Variants in AFG2B observed in about 807,000 individuals in gnomAD.
AFG2B encodes ATPase family gene 2 protein homolog B.
At chr15:45,414,138 C>T in the AFG2B span, among the ~76,000 whole-genome samples, 6 of 152,086 alleles carry the variant, frequency 3.9e-5, no homozygotes, top group Non-Finnish European at 5.9e-5. Context: ...GAGGGGGTTC[C>T]GCTTTAACCA....
chr15:45,402,961 G>T, the AFG2B span: 34 of 1,596,454 alleles, frequency 2.1e-5, no homozygotes, highest in Non-Finnish European at 2.6e-5. Context: ...CGCTGGGCTG[G>T]TCACCCCTCG....
At chr15:45,418,154 G>A in the AFG2B span, among the ~76,000 whole-genome samples, 1 of 151,826 alleles carries the variant, frequency 6.6e-6, no homozygotes, top group Non-Finnish European at 1.5e-5. Flanking sequence ...GACTAGCCTG[G>A]CCAACATGGT....
the AFG2B span, among the ~76,000 whole-genome samples, chr15:45,406,436 T>C: frequency 6.6e-6 from 1 of 152,204 alleles, no homozygotes. Context: ...TTAATAAGTA[T>C]CTAGTGGGAG....
At chr15:45,411,027 C>A in the AFG2B span, among the ~76,000 whole-genome samples, 4 of 152,098 alleles carry the variant, frequency 2.6e-5, no homozygotes, top group African/African-American at 9.7e-5. Flanking sequence ...CATGGTGAAA[C>A]CCCGTCTCTA....
chr15:45,411,322 A>C, the AFG2B span, among the ~76,000 whole-genome samples: 1 of 152,136 alleles, frequency 6.6e-6, no homozygotes, highest in Non-Finnish European at 1.5e-5. Context: ...TCTCTATTTA[A>C]AAAAATTATT....
chr15:45,403,163 T>A, the AFG2B span: 8 of 1,450,292 alleles, frequency 5.5e-6, no homozygotes, highest in Non-Finnish European at 7.2e-6. Flanking sequence ...CCCCCCGGAG[T>A]GGGCAAGACC....
the AFG2B span, chr15:45,414,579 GTGGCCTC>G: frequency 6.2e-7 from 1 of 1,613,950 alleles, no homozygotes; most frequent in Non-Finnish European, 8.5e-7. Context: ...AGAGCATTGA[GTGGCCTC>G]TGAAATTCCC....
At chr15:45,414,153 G>A in the AFG2B span, among the ~76,000 whole-genome samples, 1 of 152,192 alleles carries the variant, frequency 6.6e-6, no homozygotes, top group Non-Finnish European at 1.5e-5. Flanking sequence ...TAACCAGGTA[G>A]TTAGGAAAGA....
At chr15:45,404,634 C>G in the AFG2B span, among the ~76,000 whole-genome samples, 1 of 151,654 alleles carries the variant, frequency 6.6e-6, no homozygotes, top group Non-Finnish European at 1.5e-5. Context: ...TGGTGAAACC[C>G]CGTCTCTGCT....
chr15:45,403,244 G>A, the AFG2B span: 3 of 1,561,760 alleles, frequency 1.9e-6, no homozygotes, highest in South Asian at 1.2e-5. Context: ...GCGCTGCAGG[G>A]TTCCCGGCCT....
chr15:45,403,254 TG>T, the AFG2B span: 2 of 1,583,328 alleles, frequency 1.3e-6, no homozygotes, highest in Admixed American at 1.8e-5. Context: ...GTTCCCGGCC[TG>T]GGGAGACCGA....
At chr15:45,415,454 C>G in the AFG2B span, 1 of 726,888 alleles carries the variant, frequency 1.4e-6, no homozygotes, top group Non-Finnish European at 2.1e-6. Flanking sequence ...GCTGAAATCG[C>G]ATCACTACAC....
the AFG2B span, chr15:45,402,599 G>A: frequency 1.3e-6 from 2 of 1,572,240 alleles, no homozygotes; most frequent in Non-Finnish European, 1.7e-6. Flanking sequence ...GGCGGCTCCT[G>A]CCTCTGCACT....
the AFG2B span, chr15:45,405,570 T>TA: frequency 5.0e-5 from 75 of 1,513,358 alleles, no homozygotes; most frequent in South Asian, 7.3e-5. Flanking sequence ...ATTTGGGGGT[T>TA]AAAAAAAAGC....
chr15:45,407,213 C>A, the AFG2B span: 1 of 1,233,104 alleles, frequency 8.1e-7, no homozygotes, highest in South Asian at 1.4e-5. Flanking sequence ...AAGGGACAGA[C>A]AACTGGGAAG....
the AFG2B span, among the ~76,000 whole-genome samples, chr15:45,415,424 G>A: frequency 6.6e-6 from 1 of 151,714 alleles, no homozygotes; most frequent in African/African-American, 2.4e-5. Flanking sequence ...CTTGAGCCTG[G>A]GAGGCAGAAG....
chr15:45,404,110 T>G, the AFG2B span, among the ~76,000 whole-genome samples: 1 of 152,228 alleles, frequency 6.6e-6, no homozygotes, highest in Admixed American at 6.5e-5. Context: ...TATTTTAAGC[T>G]TTGGTCCTAA....
chr15:45,405,953 T>A, the AFG2B span, among the ~76,000 whole-genome samples: 1 of 152,248 alleles, frequency 6.6e-6, no homozygotes, highest in Non-Finnish European at 1.5e-5. Flanking sequence ...GTGTATTTCC[T>A]TATATATATA....
chr15:45,402,467 T>C, the AFG2B span: 1 of 1,609,280 alleles, frequency 6.2e-7, no homozygotes, highest in African/African-American at 1.3e-5. Context: ...GAAGGGCCGC[T>C]CTTAAAGCTG....
Sources: gnomAD v4.1 joint callset for allele counts (sites outside exome capture counted in the v4.1 genomes callset) on GRCh38, gnomAD v4.1.1 for gene constraint, MANE v1.5 for transcripts, NCBI Gene and HGNC (gene_info 2026-07-23, HGNC 2026-07-21) for gene names.